Variants in F13A1 observed in about 807,000 individuals in gnomAD.
F13A1 encodes coagulation factor XIII A chain.
A neutral mutation model predicts 80.1 loss-of-function variants in F13A1; 47 were observed. That is an observed-to-expected ratio of 0.59 (90% CI 0.46 to 0.75). The LOEUF (loss-of-function observed/expected upper bound fraction) is 0.75. F13A1 is among the 30% of genes least tolerant of loss of function. The pLI is 0.00. For missense variants in F13A1, 817 were observed against 930.4 expected (o/e 0.88, Z 1.59); for synonymous variants, 349 against 344.9 (o/e 1.01, Z -0.13).
At chr6:6,225,516 CTT>C (rs1491279297) in intron 6 of F13A1, among the ~76,000 whole-genome samples, 15 of 151,680 alleles carry the variant, frequency 9.9e-5, no homozygotes, top group African/African-American at 2.9e-4. Flanking sequence ...CTCTCTCTCT[CTT>C]TCTTTCTAAG....
rs1760841207 is a variant in F13A1, at chr6:6,174,521, C to G, written c.1747+59G>C. 2.0e-5 allele frequency: 31 copies of G among 1,587,478 alleles called. 1 individual carries two copies. In the South Asian group the frequency reaches 3.2e-4, roughly 16 times the overall value. ...ATAAAGCTATAACGGGCATTAACAC[C>G]TAGCAAGACAGGGGCCAGACAGCGA... On this transcript the variant is annotated intron_variant, in intron 12 of 14. Transcript: ENST00000264870.
chr6:6,174,872 G>T lies in F13A1; in HGVS notation c.1460-5C>A. 1 of 1,614,112 alleles carries T rather than the reference G, an allele frequency of 6.2e-7. No homozygotes were observed. The highest frequency in any genetic ancestry group is 1.1e-5 in the South Asian group (1 of 91,056). Reference sequence around the variant, plus strand: ...CCAATCTCTCTTCTTCTTGACCTGGGGGAGATCCAGAGATAATGACAGGCA... The same window carrying T: ...CCAATCTCTCTTCTTCTTGACCTGGTGGAGATCCAGAGATAATGACAGGCA... On this transcript the variant is annotated splice_region_variant and splice_polypyrimidine_tract_variant and intron_variant, in intron 11 of 14. Transcript: ENST00000264870.
At chr6:6,176,005 G>T (rs4960177) in intron 11 of F13A1, among the ~76,000 whole-genome samples, 1 of 151,702 alleles carries the variant, frequency 6.6e-6, no homozygotes, top group African/African-American at 2.4e-5. Context: ...AAAGGCTTTG[G>T]CTTGGAAACA....
At chr6:6,197,090 G>T in intron 9 of F13A1, 133 bp downstream of exon 9, 1 of 764,244 alleles carries the variant, frequency 1.3e-6, no homozygotes, top group Non-Finnish European at 2.3e-6. Flanking sequence ...AGCTAATACT[G>T]TACATGTGCC....
At chr6:6,234,610 A>G (rs1187361325) in intron 6 of F13A1, among the ~76,000 whole-genome samples, 1 of 152,058 alleles carries the variant, frequency 6.6e-6, no homozygotes, top group Non-Finnish European at 1.5e-5. Flanking sequence ...GAGAAAGAGG[A>G]GAGGAACAGT....
At chr6:6,186,126 T>A (rs1761076630) in intron 10 of F13A1, among the ~76,000 whole-genome samples, 1 of 151,194 alleles carries the variant, frequency 6.6e-6, no homozygotes, top group African/African-American at 2.4e-5. Context: ...ATATTAGCCC[T>A]TTGTCAGATG....
chr6:6,233,955 A>C (rs1017865501), intron 6 of F13A1, among the ~76,000 whole-genome samples: 2 of 152,162 alleles, frequency 1.3e-5, no homozygotes, highest in East Asian at 3.8e-4. Flanking sequence ...ACCTTAATGT[A>C]ATAAAAGCCA....
At position 6,144,643 on chromosome 6, in the gene F13A1, A is replaced by G. The variant is rs1262026581; in HGVS notation, c.*976T>C. ...TCTCAACATGGGTGATGTGAAGGAC[A>G]AGAGAGAATCAGTGGCTGCAGTCCT... is the stretch of plus-strand genomic sequence containing the variant. On this transcript the variant is annotated 3_prime_UTR_variant, in exon 15 of 15. Coordinates refer to ENST00000264870, the MANE Select transcript of F13A1 (RefSeq NM_000129.4). 1 of 152,218 alleles carries G rather than the reference A, an allele frequency of 6.6e-6. No homozygotes were observed. The allele number at this position is 152,218 out of a possible 1,614,324, so 9.4% of individuals were successfully genotyped here.
chr6:6,305,224 G>T, intron 3 of F13A1, 127 bp downstream of exon 3: 1 of 1,047,470 alleles, frequency 9.5e-7, no homozygotes, highest in Non-Finnish European at 1.5e-6. Context: ...TTCAGGGGCT[G>T]GATGTCATTC....
intron 3 of F13A1, among the ~76,000 whole-genome samples, chr6:6,283,180 C>T (rs980306400): frequency 1.4e-4 from 22 of 152,080 alleles, no homozygotes; most frequent in African/African-American, 4.8e-4. Flanking sequence ...TCAGTCAAAC[C>T]CAAATGGAGG....
At chr6:6,167,724 C>G (rs1561641347) in intron 12 of F13A1, 106 bp from the exon 13 acceptor site, 3 of 1,270,840 alleles carry the variant, frequency 2.4e-6, no homozygotes, top group African/African-American at 1.5e-5. Flanking sequence ...TGGAAGCCAC[C>G]AGGAACACAG....
intron 10 of F13A1, among the ~76,000 whole-genome samples, chr6:6,191,467 A>G (rs990869728): frequency 1.3e-5 from 2 of 152,078 alleles, no homozygotes; most frequent in South Asian, 2.1e-4. Context: ...ACAACACCAC[A>G]CCCTTGCCTC....
At chr6:6,317,939 C>T (rs1758708226) in intron 2 of F13A1, among the ~76,000 whole-genome samples, 1 of 152,210 alleles carries the variant, frequency 6.6e-6, no homozygotes, top group Non-Finnish European at 1.5e-5. Context: ...CTGCCGGCTG[C>T]TGTACCCGGA....
intron 3 of F13A1, among the ~76,000 whole-genome samples, chr6:6,291,996 T>C (rs3024355): frequency 0.068 from 10,402 of 152,180 alleles, 917 homozygotes; most frequent in African/African-American, 0.2. Context: ...GAGGCTCCCT[T>C]GGTGGAGGTA....
Position 6,160,596 on chromosome 6 carries a change from CAA to C in F13A1, c.1908+6860_1908+6861del, listed in dbSNP as rs1239183435. On this transcript the variant is annotated intron_variant, in intron 13 of 14. Coordinates refer to ENST00000264870, the MANE Select transcript of F13A1 (RefSeq NM_000129.4). Reference sequence around the variant, plus strand: ...AAGTGATCCAGCCACCTTGGCCTTCCAAAGTGCTGGGATTACAGGTGTGAGCC... The same window carrying C: ...AAGTGATCCAGCCACCTTGGCCTTCCAGTGCTGGGATTACAGGTGTGAGCC... Among the ~76,000 whole-genome samples the C allele has an allele frequency of 9.9e-5, 15 of 152,216 alleles. No individual in the cohort carries two copies. In the East Asian group the frequency reaches 2.7e-3, roughly 28 times the overall value.
intron 3 of F13A1, among the ~76,000 whole-genome samples, chr6:6,274,552 C>T (rs1183608079): frequency 1.3e-5 from 2 of 152,188 alleles, no homozygotes; most frequent in Admixed American, 6.5e-5. Context: ...GAAGTAAGAA[C>T]ATAACATGAA....
intron 11 of F13A1, among the ~76,000 whole-genome samples, chr6:6,175,102 C>A (rs1760858776): frequency 6.6e-6 from 1 of 152,126 alleles, no homozygotes; most frequent in African/African-American, 2.4e-5. Flanking sequence ...GTGTTGGGAT[C>A]TATCCAGAAA....
At chr6:6,263,590 T>A (rs1757806537) in intron 4 of F13A1, among the ~76,000 whole-genome samples, 1 of 152,210 alleles carries the variant, frequency 6.6e-6, no homozygotes, top group Non-Finnish European at 1.5e-5. Context: ...CTCAGCCATC[T>A]CCTTTGAGTT....
At chr6:6,256,323 G>A (rs562940557) in intron 4 of F13A1, among the ~76,000 whole-genome samples, 1 of 152,066 alleles carries the variant, frequency 6.6e-6, no homozygotes, top group South Asian at 2.1e-4. Flanking sequence ...GAGTAGGAGC[G>A]GCTGCACCTT....
Sources: allele counts gnomAD v4.1 joint callset (sites outside exome capture counted in the v4.1 genomes callset), GRCh38; gene constraint gnomAD v4.1.1; transcripts MANE v1.5; gene names NCBI Gene and HGNC (gene_info 2026-07-23, HGNC 2026-07-21).